Variants in SGPP1 observed in about 807,000 individuals in gnomAD.
The protein encoded by SGPP1 is hSPP1.
SGPP1 carries 21 observed loss-of-function variants against 33.0 expected under a neutral mutation model. That is an observed-to-expected ratio of 0.64 (90% CI 0.45 to 0.92). SGPP1 has a LOEUF of 0.92. Ranked by LOEUF, SGPP1 falls within the 40% of genes least tolerant of loss-of-function variation. SGPP1 has a pLI of 0.00. For missense variants in SGPP1, 543 were observed against 589.4 expected (o/e 0.92, Z 0.81); for synonymous variants, 239 against 241.2 (o/e 0.99, Z 0.08).
chr14:63,722,183 G>A (rs1257856736), intron 1 of SGPP1, among the ~76,000 whole-genome samples: 1 of 152,004 alleles, frequency 6.6e-6, no homozygotes, highest in East Asian at 1.9e-4. Flanking sequence ...GAGTAAATGA[G>A]ATAAAAGACA....
chr14:63,722,468 T>C (rs369319875), intron 1 of SGPP1, among the ~76,000 whole-genome samples: 2 of 151,190 alleles, frequency 1.3e-5, no homozygotes, highest in South Asian at 2.1e-4. Flanking sequence ...GAGGCAGAGG[T>C]TGCAGTGAGC....
chr14:63,715,593 A>C (rs547852338), intron 1 of SGPP1, among the ~76,000 whole-genome samples: 34 of 152,266 alleles, frequency 2.2e-4, no homozygotes, highest in African/African-American at 7.7e-4. Context: ...GGCAGTTTCC[A>C]GGCTGTAGCA....
At chr14:63,725,563 T>C (rs1885862434) in intron 1 of SGPP1, among the ~76,000 whole-genome samples, 2 of 152,252 alleles carry the variant, frequency 1.3e-5, no homozygotes, top group South Asian at 2.1e-4. Context: ...AATTCTATGA[T>C]ACGCAAATTT....
chr14:63,695,738 C>T (rs1054489767), intron 2 of SGPP1, among the ~76,000 whole-genome samples: 1 of 152,048 alleles, frequency 6.6e-6, no homozygotes, highest in African/African-American at 2.4e-5. Flanking sequence ...TAGCTAGACC[C>T]TATCTCTACA....
At chr14:63,723,242 A>T (rs2139656583) in intron 1 of SGPP1, among the ~76,000 whole-genome samples, 1 of 152,308 alleles carries the variant, frequency 6.6e-6, no homozygotes, top group South Asian at 2.1e-4. Flanking sequence ...GCTACAAAAA[A>T]TTCCAATGAA....
At chr14:63,718,622 G>A (rs1885681768) in intron 1 of SGPP1, among the ~76,000 whole-genome samples, 2 of 152,012 alleles carry the variant, frequency 1.3e-5, no homozygotes, top group African/African-American at 2.4e-5. Context: ...GCAAGGTTCT[G>A]ATGCTATACT....
chr14:63,715,229 G>A (rs1305094347), intron 1 of SGPP1, among the ~76,000 whole-genome samples: 3 of 150,964 alleles, frequency 2.0e-5, no homozygotes, highest in Admixed American at 1.3e-4. Flanking sequence ...TGGCCAGGCT[G>A]GTCTCGAACT....
chr14:63,727,278 TGAG>T lies in SGPP1; in HGVS notation c.664_666del (p.Leu222del). Reference sequence around the variant, plus strand: ...AACCCTACCTGCCAGCGGCCATAGGTGAGGAGGACCATAGAAATGGGGATGGCG... The same window carrying T: ...AACCCTACCTGCCAGCGGCCATAGGTGAGGACCATAGAAATGGGGATGGCG... On this transcript the variant is annotated inframe_deletion, in exon 1 of 3. Transcript: ENST00000247225. 1 of 1,611,428 alleles carries T rather than the reference TGAG, an allele frequency of 6.2e-7. No homozygotes were observed. The highest frequency in any genetic ancestry group is 8.5e-7 in the Non-Finnish European group (1 of 1,178,416).
chr14:63,714,143 C>G (rs1885574566), intron 1 of SGPP1, among the ~76,000 whole-genome samples: 1 of 152,204 alleles, frequency 6.6e-6, no homozygotes, highest in Non-Finnish European at 1.5e-5. Context: ...GGGAGTTACA[C>G]CATCAACTTC....
chr14:63,691,702 G>A (rs915092484), intron 2 of SGPP1, among the ~76,000 whole-genome samples: 2 of 152,158 alleles, frequency 1.3e-5, no homozygotes, highest in Non-Finnish European at 2.9e-5. Context: ...TGAAGTGGGG[G>A]TAGGGCATCA....
At chr14:63,706,948 T>G (rs113762434) in intron 1 of SGPP1, among the ~76,000 whole-genome samples, 1,735 of 143,864 alleles carry the variant, frequency 0.012, 44 homozygotes, top group African/African-American at 0.043. Flanking sequence ...GAGGCTGAGG[T>G]GGGAGAATCA....
intron 1 of SGPP1, among the ~76,000 whole-genome samples, chr14:63,724,818 A>G (rs1260378175): frequency 1.3e-5 from 2 of 150,378 alleles, no homozygotes; most frequent in Admixed American, 6.6e-5. Flanking sequence ...AGATCAGGAG[A>G]TTGCAGAGAG....
chr14:63,723,684 A>G lies in SGPP1; in HGVS notation c.684+3577T>C, dbSNP rs1018274860. 4.0e-5 allele frequency among the ~76,000 whole-genome samples: 6 copies of G among 151,562 alleles called. No homozygotes were observed. In the South Asian group the frequency reaches 1.3e-3, roughly 32 times the overall value. ...CAGTGAGACAAGATCACACCACCAC[A>G]CTCCAGCCTGGGTGACAAAGAGAGA... On this transcript the variant is annotated intron_variant, in intron 1 of 2. Coordinates refer to ENST00000247225, the MANE Select transcript of SGPP1 (RefSeq NM_030791.4).
rs1271507449 is a variant in SGPP1 at position 63,728,050 on chromosome 14, G to A, written c.-106C>T. 19 of 1,196,080 alleles carry A rather than the reference G, an allele frequency of 1.6e-5. No individual in the cohort carries two copies. The East Asian group carries it at 4.9e-4, about 31-fold the overall frequency. The allele number at this position is 1,196,080 out of a possible 1,614,324, so 74.1% of individuals were successfully genotyped here. On this transcript the variant is annotated 5_prime_UTR_variant, in exon 1 of 3. Coordinates refer to ENST00000247225, the MANE Select transcript of SGPP1 (RefSeq NM_030791.4). ...AACCGGCACAGCGCTCTACCCTCCG[G>A]AGTCTGCCGGGTGACGGCGCCACAG...
At chr14:63,697,762 G>A (rs1885215501) in intron 2 of SGPP1, among the ~76,000 whole-genome samples, 1 of 152,150 alleles carries the variant, frequency 6.6e-6, no homozygotes, top group Admixed American at 6.6e-5. Context: ...AAAGTGAAAG[G>A]GGCATTCCAA....
In SGPP1 at chr14:63,686,133, T is replaced by C. The variant is rs74058052; in HGVS notation, c.1298A>G (p.Tyr433Cys). ...AGAGATACCAATAAAGAAAAATATGTAAGGAACAAAAAATGTGATGGAGAA... is the reference window on the plus strand; with the variant it reads ...AGAGATACCAATAAAGAAAAATATGCAAGGAACAAAAAATGTGATGGAGAA... ...VGFSITFFVPYIFFFIGIS is the reference protein window; with the variant it reads ...VGFSITFFVPCIFFFIGIS Residue 433 changes from tyrosine (Y) to cysteine (C), a missense_variant, in exon 3 of 3, where the codon TAC becomes TGC. Transcript: ENST00000247225. 2.9e-5 allele frequency: 47 copies of C among 1,603,604 alleles called. No individual in the cohort carries two copies. Among genetic ancestry groups the C allele is most frequent in the Non-Finnish European group, 3.8e-5 (45 of 1,174,452 alleles).
chr14:63,724,095 G>T (rs1295022755), intron 1 of SGPP1, among the ~76,000 whole-genome samples: 8 of 152,002 alleles, frequency 5.3e-5, no homozygotes, highest in African/African-American at 1.9e-4. Flanking sequence ...GCCCAGGCTG[G>T]TCTCCAACTC....
chr14:63,727,085 C>T (rs1318815957), intron 1 of SGPP1, among the ~76,000 whole-genome samples, 176 bp downstream of exon 1: 1 of 152,096 alleles, frequency 6.6e-6, no homozygotes, highest in Non-Finnish European at 1.5e-5. Flanking sequence ...TATCCAGTTT[C>T]CCCCAATCAC....
intron 1 of SGPP1, among the ~76,000 whole-genome samples, chr14:63,718,541 T>C (rs1885679085): frequency 6.6e-6 from 1 of 152,062 alleles, no homozygotes; most frequent in African/African-American, 2.4e-5. Context: ...CGATGAATTG[T>C]GAGCCTTAGG....
Sources: allele counts gnomAD v4.1 joint callset (sites outside exome capture counted in the v4.1 genomes callset), GRCh38; gene constraint gnomAD v4.1.1; transcripts MANE v1.5; gene names NCBI Gene and HGNC (gene_info 2026-07-23, HGNC 2026-07-21).